PCDHA12: variants seen among roughly 807,000 people sequenced by gnomAD.
PCDHA12 encodes protocadherin alpha-12.
Under a neutral mutation model 60.0 loss-of-function variants are expected in PCDHA12, and 44 were observed. The ratio of observed to expected loss-of-function variants is 0.73; its 90% CI spans 0.58 to 0.94. PCDHA12 has a LOEUF of 0.94. Among genes scored for constraint, PCDHA12 ranks in the 40% least tolerant of loss-of-function variants. PCDHA12 has a pLI of 0.00. For missense variants in PCDHA12, 1,276 were observed against 1,239.7 expected (o/e 1.03, Z -0.44); for synonymous variants, 569 against 553.0 (o/e 1.03, Z -0.40).
At chr5:140,966,758 C>T in intron 1 of PCDHA12, 1 of 1,445,334 alleles carries the variant, frequency 6.9e-7, no homozygotes, top group South Asian at 1.5e-5. Flanking sequence ...TCCGCCGCGG[C>T]CAGTGGCTAT....
chr5:140,953,648 A>C (rs2094921161), intron 1 of PCDHA12, among the ~76,000 whole-genome samples: 1 of 152,150 alleles, frequency 6.6e-6, no homozygotes, highest in Non-Finnish European at 1.5e-5. Flanking sequence ...CAGGAGCTAT[A>C]GTTGTTATCT....
At chr5:140,983,885 T>C (rs74936593) in intron 3 of PCDHA12, among the ~76,000 whole-genome samples, 2,965 of 152,290 alleles carry the variant, frequency 0.019, 72 homozygotes, top group African/African-American at 0.056. Flanking sequence ...ACTGGCAACT[T>C]TAAGGGCATT....
At chr5:140,998,769 G>A (rs1210690974) in intron 3 of PCDHA12, among the ~76,000 whole-genome samples, 1 of 152,054 alleles carries the variant, frequency 6.6e-6, no homozygotes, top group Non-Finnish European at 1.5e-5. Flanking sequence ...TCACTATGTT[G>A]GTCAGGCTGG....
At chr5:140,932,413 A>G (rs2088287956) in intron 1 of PCDHA12, among the ~76,000 whole-genome samples, 1 of 151,930 alleles carries the variant, frequency 6.6e-6, no homozygotes, top group Admixed American at 6.6e-5. Flanking sequence ...ATGTTATATT[A>G]GTGTATTGTT....
At chr5:141,006,704 A>G (rs2098283751) in intron 3 of PCDHA12, among the ~76,000 whole-genome samples, 1 of 152,128 alleles carries the variant, frequency 6.6e-6, no homozygotes, top group Non-Finnish European at 1.5e-5. Context: ...GAGTCAAGAT[A>G]TATTTAGGAG....
Position 140,895,882 on chromosome 5 carries a change from G to C in PCDHA12, c.2367+18043G>C, listed in dbSNP as rs1014874596. Among the ~76,000 whole-genome samples the C allele has an allele frequency of 5.3e-5, 8 of 152,250 alleles. No individual in the cohort carries two copies. The East Asian group carries it at 9.6e-4, about 18-fold the overall frequency. On this transcript the variant is annotated intron_variant, in intron 1 of 3. Coordinates refer to ENST00000398631, the MANE Select transcript of PCDHA12 (RefSeq NM_018903.4). ...GCTGGAGTGCAATGGCGCGATCTCGGCTCACTGCAACCTCCGCGTCCCGGG... is the reference window on the plus strand; with the variant it reads ...GCTGGAGTGCAATGGCGCGATCTCGCCTCACTGCAACCTCCGCGTCCCGGG...
At chr5:140,966,712 T>C (rs2153748592) in intron 1 of PCDHA12, 2 of 1,392,090 alleles carry the variant, frequency 1.4e-6, no homozygotes, top group Middle Eastern at 2.7e-4. Flanking sequence ...GGGGCACGGC[T>C]GGGGAAGCTG....
rs1234661148 is a variant in PCDHA12, at chr5:141,010,706, T to C, written c.*769T>C. 2 of 155,338 alleles carry C rather than the reference T, an allele frequency of 1.3e-5. No individual in the cohort carries two copies. Among genetic ancestry groups the C allele is most frequent in the African/African-American group, 4.8e-5 (2 of 41,492 alleles). The allele number at this position is 155,338 out of a possible 1,614,324, so 9.6% of individuals were successfully genotyped here. A position where few individuals can be genotyped will look rare whatever the true frequency, so the allele number is the denominator to read the frequency against. The stretch of plus-strand genomic sequence containing the variant: ...AGATCTGATGTGTTTCCTATACATG[T>C]CCTGTGCTCACTTTATTAAAAATTC... On this transcript the variant is annotated 3_prime_UTR_variant, in exon 4 of 4. Transcript: ENST00000398631.
At chr5:141,009,104 T>G (rs2098399543) in intron 3 of PCDHA12, among the ~76,000 whole-genome samples, 1 of 152,220 alleles carries the variant, frequency 6.6e-6, no homozygotes, top group Non-Finnish European at 1.5e-5. Flanking sequence ...CATATGTTAC[T>G]ATGAAACTAG....
chr5:140,960,031 G>A (rs1331929817), intron 1 of PCDHA12, among the ~76,000 whole-genome samples: 4 of 152,220 alleles, frequency 2.6e-5, no homozygotes, highest in African/African-American at 7.2e-5. Flanking sequence ...TGTTAAGTCC[G>A]GCTGTTTATT....
Position 140,932,319 on chromosome 5 carries a change from G to A in PCDHA12, c.2368-46630G>A, listed in dbSNP as rs60286116. Among the ~76,000 whole-genome samples the A allele has an allele frequency of 3.3e-3, 499 of 151,902 alleles. 2 individuals are homozygous for A. The highest frequency in any genetic ancestry group is 0.012 in the African/African-American group (480 of 41,512). ...TTTTTAAAGGTATAAATATATTAATGTAGCAAAAATGCATGAAACACTTAC... is the reference window on the plus strand; with the variant it reads ...TTTTTAAAGGTATAAATATATTAATATAGCAAAAATGCATGAAACACTTAC... On this transcript the variant is annotated intron_variant, in intron 1 of 3. Transcript: ENST00000398631.
At chr5:140,883,876 C>A in intron 1 of PCDHA12, 1 of 1,613,214 alleles carries the variant, frequency 6.2e-7, no homozygotes, top group Non-Finnish European at 8.5e-7. Flanking sequence ...TCCAGGTGAG[C>A]GCGCGCGACT....
chr5:140,913,942 T>A (rs1489221369), intron 1 of PCDHA12, among the ~76,000 whole-genome samples: 10 of 152,198 alleles, frequency 6.6e-5, no homozygotes, highest in African/African-American at 2.4e-4. Flanking sequence ...GAGAAGAATC[T>A]TGATATGATA....
chr5:140,883,696 G>T (rs142212706), intron 1 of PCDHA12: 2 of 1,613,818 alleles, frequency 1.2e-6, no homozygotes, highest in Non-Finnish European at 1.7e-6. Flanking sequence ...ACATCTTCAC[G>T]GTGTCTGCTC....
intron 1 of PCDHA12, among the ~76,000 whole-genome samples, chr5:140,970,569 C>T (rs1346474165): frequency 3.9e-5 from 6 of 152,038 alleles, no homozygotes; most frequent in African/African-American, 1.4e-4. Flanking sequence ...CATATGTATG[C>T]TTGAAATAAC....
chr5:140,946,631 T>TATATATATATAC (rs57893927), intron 1 of PCDHA12, among the ~76,000 whole-genome samples: 3,699 of 131,684 alleles, frequency 0.028, 186 homozygotes, highest in East Asian at 0.064. Flanking sequence ...TATATATATA[T>TATATATATATAC]ACAATGGAAT....
chr5:140,878,938 A>G (rs1413471911), intron 1 of PCDHA12, among the ~76,000 whole-genome samples: 1 of 152,226 alleles, frequency 6.6e-6, no homozygotes, highest in African/African-American at 2.4e-5. Flanking sequence ...TTTTAAATAA[A>G]TATATGGTAT....
chr5:140,876,312 G>C lies in PCDHA12; in HGVS notation c.840G>C (p.Gly280=), dbSNP rs557901977. The change falls in exon 1 of 4, where the codon GGG becomes GGC. Residue 280 remains glycine, a synonymous_variant. Coordinates refer to ENST00000398631, the MANE Select transcript of PCDHA12 (RefSeq NM_018903.4). ...DEGLNGEISY[G]IKMILPVSEK... ...GACTTAATGGAGAAATTTCCTATGG[G>C]ATCAAAATGATTTTGCCAGTGAGTG... 6.2e-7 allele frequency: 1 copy of C among 1,614,036 alleles called. No individual in the cohort carries two copies.
In PCDHA12 at chr5:140,927,608, G is replaced by A. The variant is rs151084513; in HGVS notation, c.2367+49769G>A. ...CCTGTATTTGAGCGCTCCGTATACC[G>A]CACCAAGGTTCCAGAGACTGCACCC... On this transcript the variant is annotated intron_variant, in intron 1 of 3. Coordinates refer to ENST00000398631, the MANE Select transcript of PCDHA12 (RefSeq NM_018903.4). The A allele has an allele frequency of 2.2e-5, 35 of 1,614,050 alleles. No homozygotes were observed. In the African/African-American group the frequency reaches 4.4e-4, roughly 20 times the overall value.
Sources: gnomAD v4.1 joint callset for allele counts (sites outside exome capture counted in the v4.1 genomes callset) on GRCh38, gnomAD v4.1.1 for gene constraint, MANE v1.5 for transcripts, NCBI Gene and HGNC (gene_info 2026-07-23, HGNC 2026-07-21) for gene names.